The following ARSK variants were observed in gnomAD, a reference collection of about 807,000 sequenced individuals.
ARSK encodes the protein arylsulfatase family member K.
Under a neutral mutation model 53.2 loss-of-function variants are expected in ARSK, and 37 were observed. The ratio of observed to expected loss-of-function variants is 0.70; its 90% confidence interval spans 0.54 to 0.92. ARSK has a LOEUF of 0.92. Ranked by LOEUF, ARSK falls within the 40% of genes least tolerant of loss-of-function variation. ARSK has a pLI of 0.00. For missense variants in ARSK, 613 were observed against 643.0 expected, an observed-to-expected ratio of 0.95 and a Z score of 0.51; for synonymous variants, 208 against 223.2, an observed-to-expected ratio of 0.93 and a Z score of 0.61.
Position 95,566,071 on chromosome 5 carries a change from G to C in ARSK, c.200G>C (p.Gly67Ala), listed in dbSNP as rs1175483505. 6.8e-6 allele frequency: 11 copies of C among 1,613,250 alleles called. No individual in the cohort carries two copies. The highest frequency in any genetic ancestry group is 9.3e-6 in the Non-Finnish European group (11 of 1,179,734). ...LPFINFMKTR[G>A]TSFLNAYTNS... ...TTTATCAACTTTATGAAGACACGTG[G>C]GACTTCCTTTCTGAATGCCTACACA... Residue 67 changes from glycine to alanine, a missense_variant, in exon 2 of 8, where the codon GGG (glycine) becomes GCG (alanine). Transcript: ENST00000380009.
rs770798168 is a variant in ARSK at position 95,566,067 on chromosome 5, C to A, written c.196C>A (p.Arg66Ser). Residue 66 changes from arginine (R) to serine (S), a missense_variant, in exon 2 of 8, where the codon CGT becomes AGT. By Grantham distance (110) the Arg-to-Ser change is moderately radical (BLOSUM62 -1). Transcript: ENST00000380009. ...KLPFINFMKT[R>S]GTSFLNAYTN... ...TCCTTTTATCAACTTTATGAAGACA[C>A]GTGGGACTTCCTTTCTGAATGCCTA... The A allele has an allele frequency of 1.2e-6, 2 of 1,613,468 alleles. No homozygotes were observed. The highest frequency in any genetic ancestry group is 2.7e-5 in the African/African-American group (2 of 74,884).
At chr5:95,595,482 A>G (rs1470564059) in intron 6 of ARSK, among the ~76,000 whole-genome samples, 1 of 152,230 alleles carries the variant, frequency 6.6e-6, no homozygotes, top group Non-Finnish European at 1.5e-5. Context: ...ATGGAATACT[A>G]CAAAGCCATC....
chr5:95,594,365 A>C (rs1749266976), intron 6 of ARSK, among the ~76,000 whole-genome samples: 2 of 152,242 alleles, frequency 1.3e-5, no homozygotes, highest in Non-Finnish European at 2.9e-5. Context: ...AAAAAGAGGA[A>C]TACCTTATTA....
Position 95,600,957 on chromosome 5 carries a change from A to C in ARSK, c.1207A>C (p.Ile403Leu). Residue 403 changes from isoleucine (I) to leucine (L), a missense_variant, in exon 7 of 8, where the codon ATT (isoleucine) becomes CTT (leucine). Ile to Leu is a conservative substitution (Grantham distance 5). Coordinates refer to ENST00000380009, the MANE Select transcript of ARSK (RefSeq NM_198150.3). ...AGTCAAAAACCTGCATCCACCCTGG[A>C]TTCTGAGTGAATTCCATGGATGTAA... is the stretch of plus-strand genomic sequence containing the variant. ...HKVKNLHPPW[I>L]LSEFHGCNVN... 1.2e-6 allele frequency: 2 copies of C among 1,614,116 alleles called. No individual in the cohort carries two copies. Among genetic ancestry groups the C allele is most frequent in the Non-Finnish European group, 1.7e-6 (2 of 1,179,974 alleles).
chr5:95,563,577 G>A (rs1448261784), intron 1 of ARSK, among the ~76,000 whole-genome samples: 3 of 152,116 alleles, frequency 2.0e-5, no homozygotes, highest in African/African-American at 7.2e-5. Context: ...GCCTGCTTTT[G>A]ATACAGATAA....
intron 6 of ARSK, among the ~76,000 whole-genome samples, chr5:95,596,526 A>G (rs1034239774): frequency 2.0e-5 from 3 of 152,156 alleles, no homozygotes; most frequent in African/African-American, 7.2e-5. Context: ...AAAATATTTG[A>G]GTCTTCTGGA....
chr5:95,570,816 C>T (rs2112420625), intron 3 of ARSK, among the ~76,000 whole-genome samples: 1 of 149,590 alleles, frequency 6.7e-6, no homozygotes, highest in African/African-American at 2.5e-5. Flanking sequence ...CAGTCTCGCT[C>T]TGTCACCCAG....
intron 3 of ARSK, among the ~76,000 whole-genome samples, chr5:95,569,597 G>A (rs888125656): frequency 6.6e-6 from 1 of 152,172 alleles, no homozygotes; most frequent in Non-Finnish European, 1.5e-5. Context: ...CCATAAGTTA[G>A]GAAGAGGCAA....
intron 6 of ARSK, among the ~76,000 whole-genome samples, chr5:95,596,277 A>G (rs1390214632): frequency 1.3e-5 from 2 of 152,330 alleles, no homozygotes; most frequent in Middle Eastern, 3.4e-3. Flanking sequence ...AAACATCTAC[A>G]AAGGACTTCT....
chr5:95,558,406 G>A (rs2112407857), intron 1 of ARSK, among the ~76,000 whole-genome samples: 1 of 152,278 alleles, frequency 6.6e-6, no homozygotes, highest in East Asian at 1.9e-4. Flanking sequence ...TGGAAAAATA[G>A]TAGAGAAAAT....
At chr5:95,587,490 G>A (rs1472620665) in intron 5 of ARSK, among the ~76,000 whole-genome samples, 8 of 152,048 alleles carry the variant, frequency 5.3e-5, no homozygotes, top group Non-Finnish European at 1.0e-4. Context: ...AGTAAACTTT[G>A]GAAATGACAA....
At chr5:95,575,267 G>GA (rs1472791986) in intron 3 of ARSK, among the ~76,000 whole-genome samples, 1 of 152,134 alleles carries the variant, frequency 6.6e-6, no homozygotes, top group East Asian at 1.9e-4. Flanking sequence ...ATAATTTGAA[G>GA]GCAGGTAATA....
At chr5:95,573,229 AT>A (rs768530987) in intron 3 of ARSK, among the ~76,000 whole-genome samples, 223 of 151,624 alleles carry the variant, frequency 1.5e-3, no homozygotes, top group African/African-American at 4.1e-3. Context: ...TATTACATCA[AT>A]TTTTTTTTAG....
In ARSK at chr5:95,604,719, TTTTA is replaced by T. The variant is rs1465414171; in HGVS notation, c.*1197_*1200del. 2 of 152,186 alleles carry T rather than the reference TTTTA, an allele frequency of 1.3e-5. No homozygotes were observed. The highest frequency in any genetic ancestry group is 2.9e-5 in the Non-Finnish European group (2 of 68,022). The allele number at this position is 152,186 out of a possible 1,614,324, so 9.4% of individuals were successfully genotyped here. ...AACCTAACAGATAAAAATGTTCTATTTTTATTTTTCTTTTTATGAGTAACGTAGA... is the reference window on the plus strand; with the variant it reads ...AACCTAACAGATAAAAATGTTCTATTTTTTTCTTTTTATGAGTAACGTAGA... On this transcript the variant is annotated 3_prime_UTR_variant, in exon 8 of 8. Transcript: ENST00000380009.
In ARSK at chr5:95,555,425, G is replaced by C; in HGVS notation, c.126+21G>C. On this transcript the variant is annotated intron_variant, in intron 1 of 7. Transcript: ENST00000380009. This position sits in a 1 kb window ranked among gnomAD's most constrained non-coding sequence, Gnocchi z 4.0. ...CCTTCGTAAGTACCGCGAGGCAGGG[G>C]AGGGGCGCCCCGCTGGGGATCGGCG... 6.3e-7 allele frequency: 1 copy of C among 1,588,578 alleles called. No individual in the cohort carries two copies. The highest frequency in any genetic ancestry group is 1.7e-5 in the Admixed American group (1 of 57,858).
chr5:95,582,365 T>C (rs760872405), intron 3 of ARSK, among the ~76,000 whole-genome samples: 1 of 152,136 alleles, frequency 6.6e-6, no homozygotes, highest in Non-Finnish European at 1.5e-5. Context: ...ATAATGGATA[T>C]GAAATTCGTA....
chr5:95,574,057 G>A (rs1309263091), intron 3 of ARSK, among the ~76,000 whole-genome samples: 3 of 151,714 alleles, frequency 2.0e-5, no homozygotes, highest in Non-Finnish European at 4.4e-5. Flanking sequence ...TGCTTCGATT[G>A]TTTAATTTTC....
intron 3 of ARSK, among the ~76,000 whole-genome samples, chr5:95,571,313 A>G (rs945776126): frequency 2.0e-5 from 3 of 152,240 alleles, no homozygotes; most frequent in African/African-American, 7.2e-5. Context: ...CAGGATAATT[A>G]TCCATGCAGA....
chr5:95,586,877 G>A (rs1749121826), intron 5 of ARSK, 144 bp downstream of exon 5: 2 of 601,752 alleles, frequency 3.3e-6, no homozygotes, highest in Non-Finnish European at 5.4e-6. Context: ...TTGATAACTT[G>A]CGTTATTGAT....
Sources: gnomAD v4.1 joint callset for allele counts (sites outside exome capture counted in the v4.1 genomes callset) on GRCh38, gnomAD v4.1.1 for gene constraint, Gnocchi (gnomAD v3.1) non-coding constraint, MANE v1.5 for transcripts, NCBI Gene and HGNC (gene_info 2026-07-23, HGNC 2026-07-21) for gene names.